The following ZMYM4 variants were observed in gnomAD, a reference collection of about 807,000 sequenced individuals.
The protein encoded by ZMYM4 is zinc finger MYM-type containing 4, also known as zinc finger MYM-type protein 4.
Under a neutral mutation model 183.2 loss-of-function variants are expected in ZMYM4, and 31 were observed. That is an observed-to-expected ratio of 0.17 (90% CI 0.13 to 0.23). The LOEUF (loss-of-function observed/expected upper bound fraction) is 0.23. Ranked by LOEUF, ZMYM4 falls within the 10% of genes least tolerant of loss-of-function variation. The probability of loss-of-function intolerance (pLI) is 1.00; values close to 1 mark genes in which losing one functional copy is unlikely to be tolerated. For missense variants in ZMYM4, 1,273 were observed against 1,840.3 expected (o/e 0.69, Z 5.64); for synonymous variants, 592 against 631.2 (o/e 0.94, Z 0.93).
chr1:35,412,133 C>G (rs1470522806), intron 26 of ZMYM4, among the ~76,000 whole-genome samples: 1 of 152,080 alleles, frequency 6.6e-6, no homozygotes, highest in East Asian at 1.9e-4. Flanking sequence ...CCCGCCTTAG[C>G]CTCCCAAAGT....
At position 35,385,512 on chromosome 1, in the gene ZMYM4, C is replaced by T. The variant is rs200909268; in HGVS notation, c.1640C>T (p.Thr547Ile). ...TCCTCAGCAGAAATGATTGAAAATACCAATAGCTTGGGGAAGACAGAGCTT... is the reference window on the plus strand; with the variant it reads ...TCCTCAGCAGAAATGATTGAAAATATCAATAGCTTGGGGAAGACAGAGCTT... Reference protein sequence around the residue: ...LRSSAEMIENTNSLGKTELFC... With the variant: ...LRSSAEMIENINSLGKTELFC... Residue 547 changes from threonine to isoleucine, a missense_variant, in exon 10 of 30, where the codon ACC becomes ATC. Transcript: ENST00000314607. The T allele has an allele frequency of 1.2e-6, 2 of 1,613,462 alleles. No individual in the cohort carries two copies. Among genetic ancestry groups the T allele is most frequent in the East Asian group, 2.2e-5 (1 of 44,774 alleles).
intron 26 of ZMYM4, 22 bp from the exon 27 acceptor site, chr1:35,413,949 AT>A (rs781017633): frequency 7.7e-7 from 1 of 1,299,776 alleles, no homozygotes; most frequent in African/African-American, 1.5e-5. Flanking sequence ...CAACATGTAT[AT>A]TTTCTTTTTT....
chr1:35,304,948 C>T (rs527483861), intron 1 of ZMYM4, among the ~76,000 whole-genome samples: 1 of 152,058 alleles, frequency 6.6e-6, no homozygotes, highest in Non-Finnish European at 1.5e-5. Context: ...CTGGTTCAAG[C>T]GATTCTCCTG....
At chr1:35,361,358 A>AT (rs370667098) in intron 4 of ZMYM4, 103 bp downstream of exon 4, 27,239 of 906,176 alleles carry the variant, frequency 0.03, 110 homozygotes, top group African/African-American at 0.077. Context: ...TAGAGCACTG[A>AT]TTTTTTTTTT....
At chr1:35,414,164 G>T in intron 27 of ZMYM4, 81 bp downstream of exon 27, 3 of 868,718 alleles carry the variant, frequency 3.5e-6, no homozygotes, top group African/African-American at 1.7e-5. Flanking sequence ...TAAAAAAATT[G>T]TTCATTTTTA....
rs11811733 is a variant in ZMYM4, at chr1:35,358,217, A to G, written c.86-708A>G. Among the ~76,000 whole-genome samples the G allele has an allele frequency of 3.3e-3, 502 of 152,196 alleles. 4 individuals are homozygous for G. Among genetic ancestry groups the G allele is most frequent in the African/African-American group, 0.012 (481 of 41,542 alleles). ...TTGTGAAGGGAAGATGAATGAGGGC[A>G]TTGTAGGGTTAGGGCATGAATGAGG... On this transcript the variant is annotated intron_variant, in intron 2 of 29. Coordinates refer to ENST00000314607, the MANE Select transcript of ZMYM4 (RefSeq NM_005095.3).
chr1:35,330,596 CATT>C (rs1174784871), intron 2 of ZMYM4, among the ~76,000 whole-genome samples: 2 of 152,100 alleles, frequency 1.3e-5, no homozygotes, highest in Non-Finnish European at 2.9e-5. Flanking sequence ...TACCTGAGCC[CATT>C]GTTATCAAGA....
At position 35,346,671 on chromosome 1, in the gene ZMYM4, GAAAA is replaced by G. The variant is rs1229956274; in HGVS notation, c.86-12247_86-12244del. On this transcript the variant is annotated intron_variant, in intron 2 of 29. Transcript: ENST00000314607. ...ATCTCAAAAAAAAAAAAAAAAAAAA[GAAAA>G]AAAAAAGAGAAAGAAATAGTTCTAT... 6.9e-5 allele frequency among the ~76,000 whole-genome samples: 8 copies of G among 115,434 alleles called. No homozygotes were observed. In the East Asian group the frequency reaches 8.4e-4, roughly 12 times the overall value. 75.7% of individuals were successfully genotyped at this position (115,434 alleles called of 152,430 possible).
chr1:35,305,304 T>A (rs1296977019), intron 1 of ZMYM4, among the ~76,000 whole-genome samples: 2 of 152,234 alleles, frequency 1.3e-5, no homozygotes, highest in African/African-American at 4.8e-5. Flanking sequence ...GCAGCCACAG[T>A]TGGAGATTTT....
chr1:35,338,221 G>A (rs1643056411), intron 2 of ZMYM4, among the ~76,000 whole-genome samples: 1 of 152,182 alleles, frequency 6.6e-6, no homozygotes, highest in Non-Finnish European at 1.5e-5. Context: ...GGCCTAGGCA[G>A]GTGTACATTC....
chr1:35,413,198 A>G (rs770491637), intron 26 of ZMYM4, among the ~76,000 whole-genome samples: 1 of 151,016 alleles, frequency 6.6e-6, no homozygotes, highest in Non-Finnish European at 1.5e-5. Flanking sequence ...ATGCACCACC[A>G]CCCCTGGCTA....
chr1:35,280,089 CTCTCTT>C (rs1045860098), intron 1 of ZMYM4, among the ~76,000 whole-genome samples: 6 of 150,406 alleles, frequency 4.0e-5, no homozygotes, highest in African/African-American at 7.3e-5. Context: ...ATTTTTTTTT[CTCTCTT>C]TCTCTTTCTT....
At chr1:35,391,807 C>A (rs1057480742) in intron 15 of ZMYM4, among the ~76,000 whole-genome samples, 3 of 151,224 alleles carry the variant, frequency 2.0e-5, no homozygotes, top group African/African-American at 7.3e-5. Context: ...CTTTGGGAGG[C>A]TGAGGCAGGC....
intron 1 of ZMYM4, among the ~76,000 whole-genome samples, chr1:35,314,304 A>G (rs1313259234): frequency 1.3e-5 from 2 of 150,040 alleles, no homozygotes; most frequent in African/African-American, 4.9e-5. Context: ...TTTTTTTTTG[A>G]GACGGAGTCT....
chr1:35,303,077 C>G (rs1641362794), intron 1 of ZMYM4, among the ~76,000 whole-genome samples: 1 of 150,752 alleles, frequency 6.6e-6, no homozygotes, highest in African/African-American at 2.4e-5. Flanking sequence ...GAGTTCGAGT[C>G]CAACCTGGGA....
At chr1:35,405,327 CTTTTA>C (rs1178348907) in intron 24 of ZMYM4, 41 bp from the exon 25 acceptor site, 5 of 1,580,318 alleles carry the variant, frequency 3.2e-6, no homozygotes, top group Non-Finnish European at 3.4e-6. Context: ...TTTTTCCGCA[CTTTTA>C]TTTTATTTAA....
intron 7 of ZMYM4, among the ~76,000 whole-genome samples, chr1:35,376,027 GATCACACT>G (rs1644326558): frequency 6.6e-6 from 1 of 151,206 alleles, no homozygotes; most frequent in African/African-American, 2.4e-5. Flanking sequence ...AGTGAGCTAT[GATCACACT>G]CCTGCTCTTC....
intron 2 of ZMYM4, among the ~76,000 whole-genome samples, chr1:35,333,848 T>G (rs1642861003): frequency 6.6e-6 from 1 of 152,178 alleles, no homozygotes; most frequent in Non-Finnish European, 1.5e-5. Flanking sequence ...TCAACTGGAA[T>G]AGCTCTCTAT....
At chr1:35,360,167 G>C (rs1167911322) in intron 3 of ZMYM4, among the ~76,000 whole-genome samples, 1 of 151,896 alleles carries the variant, frequency 6.6e-6, no homozygotes, top group African/African-American at 2.4e-5. Flanking sequence ...CATTCTAACT[G>C]CTCTACATCA....
Sources: gnomAD v4.1 joint callset for allele counts (sites outside exome capture counted in the v4.1 genomes callset) on GRCh38, gnomAD v4.1.1 for gene constraint, MANE v1.5 for transcripts, NCBI Gene and HGNC (gene_info 2026-07-23, HGNC 2026-07-21) for gene names.